CARD8: variants seen among roughly 807,000 people sequenced by gnomAD.
CARD8 encodes the protein caspase recruitment domain family member 8.
In CARD8, 38 loss-of-function variants were observed where a neutral mutation model predicts 53.2. That is an observed-to-expected ratio of 0.71 (90% CI 0.55 to 0.94). The LOEUF (loss-of-function observed/expected upper bound fraction) is 0.94, where lower values mean the gene tolerates loss of function less well. Ranked by LOEUF, CARD8 falls within the 40% of genes least tolerant of loss-of-function variation. The pLI, the probability that CARD8 is intolerant of heterozygous loss-of-function variation, is 0.00. For missense variants in CARD8, 561 were observed against 655.5 expected (o/e 0.86, Z 1.57); for synonymous variants, 245 against 244.9 (o/e 1.00, Z 0.00).
chr19:48,226,291 T>C (rs2041778628), intron 10 of CARD8, among the ~76,000 whole-genome samples: 1 of 152,222 alleles, frequency 6.6e-6, no homozygotes, highest in African/African-American at 2.4e-5. Context: ...TGGCAAAATC[T>C]TGGCTCACTG....
intron 5 of CARD8, among the ~76,000 whole-genome samples, chr19:48,234,863 T>C (rs2146386172): frequency 6.6e-6 from 1 of 152,346 alleles, no homozygotes; most frequent in Non-Finnish European, 1.5e-5. Context: ...ACAAGTATGT[T>C]GACCTATATA....
At chr19:48,228,091 T>C (rs1428135557) in intron 10 of CARD8, among the ~76,000 whole-genome samples, 2 of 152,232 alleles carry the variant, frequency 1.3e-5, no homozygotes, top group Non-Finnish European at 2.9e-5. Flanking sequence ...GAACTGCCCA[T>C]GCAAGGGATC....
intron 3 of CARD8, among the ~76,000 whole-genome samples, chr19:48,241,519 G>C (rs148083449): frequency 1.7e-4 from 26 of 152,320 alleles, no homozygotes; most frequent in South Asian, 4.1e-4. Context: ...GCCTCCCAAA[G>C]TGCCGGATTG....
chr19:48,218,001 T>C (rs1334110676), intron 12 of CARD8, among the ~76,000 whole-genome samples: 1 of 152,218 alleles, frequency 6.6e-6, no homozygotes, highest in Non-Finnish European at 1.5e-5. Context: ...ATAGTCCTTA[T>C]GTTTCTTCTG....
intron 13 of CARD8, among the ~76,000 whole-genome samples, chr19:48,214,932 G>A (rs905148599): frequency 6.6e-6 from 1 of 151,622 alleles, no homozygotes; most frequent in African/African-American, 2.4e-5. Flanking sequence ...GGGACCACAG[G>A]TGCCCACCAC....
intron 4 of CARD8, 60 bp downstream of exon 4, chr19:48,240,902 T>C (rs1228818149): frequency 2.7e-5 from 35 of 1,290,462 alleles, no homozygotes; most frequent in Non-Finnish European, 3.6e-5. Flanking sequence ...TCTCATGAAC[T>C]ATAACGAAAC....
At chr19:48,228,024 T>C (rs1246807280) in intron 10 of CARD8, among the ~76,000 whole-genome samples, 1 of 152,138 alleles carries the variant, frequency 6.6e-6, no homozygotes, top group African/African-American at 2.4e-5. Flanking sequence ...CCGCCTGAGC[T>C]CCTCCTGTCA....
At position 48,221,806 on chromosome 19, in the gene CARD8, G is replaced by A. The variant is rs764264265; in HGVS notation, c.1085C>T (p.Ser362Leu). 1.6e-5 allele frequency: 26 copies of A among 1,610,220 alleles called. No individual in the cohort carries two copies. The highest frequency in any genetic ancestry group is 8.3e-5 in the Admixed American group (5 of 59,898). Residue 362 changes from serine to leucine, a missense_variant, in exon 11 of 14, where the codon TCG (serine) becomes TTG (leucine). Physicochemically the swap from Ser to Leu is moderately radical, Grantham distance 145 (BLOSUM62 -2). Coordinates refer to ENST00000651546, the MANE Select transcript of CARD8 (RefSeq NM_001184900.3). ...DRFHGVRLQT[S>L]PPMEPLNFGS... is the part of the protein sequence containing the mutation. Reference sequence around the variant, plus strand: ...AAAGTTCAGGGGTTCCATTGGGGGCGAAGTCTGCAGGCGCACACCATGGAA... The same window carrying A: ...AAAGTTCAGGGGTTCCATTGGGGGCAAAGTCTGCAGGCGCACACCATGGAA...
Position 48,245,912 on chromosome 19 carries a change from A to G in CARD8, c.-44+3611T>C, listed in dbSNP as rs1346213834. Reference sequence around the variant, plus strand: ...TATATGCAATTGTAATATGATAATTACATATATAATAGTATATATAATACA... The same window carrying G: ...TATATGCAATTGTAATATGATAATTGCATATATAATAGTATATATAATACA... On this transcript the variant is annotated intron_variant, in intron 3 of 13. Transcript: ENST00000651546. 2.0e-5 allele frequency among the ~76,000 whole-genome samples: 3 copies of G among 149,796 alleles called. No homozygotes were observed. In the East Asian group the frequency reaches 5.8e-4, roughly 29 times the overall value.
intron 3 of CARD8, among the ~76,000 whole-genome samples, chr19:48,242,255 C>T (rs4003411): frequency 0.22 from 33,183 of 151,742 alleles, 4,020 homozygotes; most frequent in African/African-American, 0.33. Flanking sequence ...ACCTCGCTCC[C>T]GCTTTCTACC....
At chr19:48,254,834 C>A (rs2047392253) in intron 1 of CARD8, among the ~76,000 whole-genome samples, 1 of 152,190 alleles carries the variant, frequency 6.6e-6, no homozygotes, top group Admixed American at 6.5e-5. Flanking sequence ...AAACCCACAA[C>A]CTTACATAAA....
chr19:48,232,808 C>T lies in CARD8; in HGVS notation c.351-315G>A, dbSNP rs185542170. 1.5e-5 allele frequency: 8 copies of T among 526,464 alleles called. No homozygotes were observed. The East Asian group carries it at 2.9e-4, about 19-fold the overall frequency. 32.6% of individuals were successfully genotyped at this position (526,464 alleles called of 1,614,324 possible). On this transcript the variant is annotated intron_variant, in intron 6 of 13. Coordinates refer to ENST00000651546, the MANE Select transcript of CARD8 (RefSeq NM_001184900.3). ...ATCTAGACTATCAAGAAATAGAAGACATTTTGAATGAAGATATTTTTATCC... is the reference window on the plus strand; with the variant it reads ...ATCTAGACTATCAAGAAATAGAAGATATTTTGAATGAAGATATTTTTATCC...
intron 5 of CARD8, among the ~76,000 whole-genome samples, chr19:48,237,157 T>C (rs1000940468): frequency 6.6e-5 from 10 of 152,168 alleles, no homozygotes; most frequent in South Asian, 6.2e-4. Flanking sequence ...AATTGGCTCA[T>C]GGTGCTGCAG....
Position 48,230,687 on chromosome 19 carries a change from G to T in CARD8, c.786C>A (p.Asp262Glu). 1.2e-6 allele frequency: 2 copies of T among 1,613,870 alleles called. No homozygotes were observed. Among genetic ancestry groups the T allele is most frequent in the African/African-American group, 1.3e-5 (1 of 74,996 alleles). Residue 262 changes from aspartate (D) to glutamate (E), a missense_variant, in exon 10 of 14, where the codon GAC becomes GAA. Coordinates refer to ENST00000651546, the MANE Select transcript of CARD8 (RefSeq NM_001184900.3). ...HFISLQAGEV[D>E]VSWFLVAHFK... Reference sequence around the variant, plus strand: ...AATGGGCAACGAGAAACCAGGAGACGTCCACCTCACCTGCTGCAGGAGAAC... The same window carrying T: ...AATGGGCAACGAGAAACCAGGAGACTTCCACCTCACCTGCTGCAGGAGAAC...
At chr19:48,204,131 G>A, downstream of CARD8, 1 of 454,568 alleles carries the variant, frequency 2.2e-6, no homozygotes, top group South Asian at 1.6e-5. Context: ...GGGCGCCGGG[G>A]CTGCAGTCTC....
chr19:48,218,091 C>T (rs1203362684), intron 12 of CARD8, among the ~76,000 whole-genome samples: 1 of 152,146 alleles, frequency 6.6e-6, no homozygotes, highest in Non-Finnish European at 1.5e-5. Flanking sequence ...CATTTCACTT[C>T]CTAGAGATGA....
At chr19:48,243,602 TTAAG>T (rs1378041091) in intron 3 of CARD8, among the ~76,000 whole-genome samples, 2 of 152,226 alleles carry the variant, frequency 1.3e-5, no homozygotes, top group African/African-American at 2.4e-5. Flanking sequence ...TTTCTTTTAC[TTAAG>T]TATCGTTATT....
rs1191862703 is a variant in CARD8 at position 48,241,005 on chromosome 19, A to G, written c.16T>C (p.Cys6Arg). 1 of 1,535,398 alleles carries G rather than the reference A, an allele frequency of 6.5e-7. No homozygotes were observed. Among genetic ancestry groups the G allele is most frequent in the Non-Finnish European group, 8.7e-7 (1 of 1,146,666 alleles). The change falls in exon 4 of 14, where the codon TGT becomes CGT. Residue 6 changes from cysteine (C) to arginine (R), a missense_variant. Transcript: ENST00000651546. ...TCACTGCTGCTACTCTTTTCTGGAC[A>G]CTCCTTTTTTTCCATTTGTCAAATG... MEKKE[C>R]PEKSSSSEEE... is the part of the protein sequence containing the mutation.
intron 10 of CARD8, among the ~76,000 whole-genome samples, chr19:48,222,964 GTGT>G: frequency 6.6e-6 from 1 of 152,268 alleles, no homozygotes; most frequent in Admixed American, 6.5e-5. Context: ...ATATGTGAGT[GTGT>G]CAACTATGAA....
Sources: gnomAD v4.1 joint callset for allele counts (sites outside exome capture counted in the v4.1 genomes callset) on GRCh38, gnomAD v4.1.1 for gene constraint, MANE v1.5 for transcripts, NCBI Gene and HGNC (gene_info 2026-07-23, HGNC 2026-07-21) for gene names.